GUCY1A2: variants seen among roughly 807,000 people sequenced by gnomAD.
The protein encoded by GUCY1A2 is guanylate cyclase 1 soluble subunit alpha 2, also known as guanylate cyclase soluble subunit alpha-2.
In GUCY1A2, 27 loss-of-function variants were observed where a neutral mutation model predicts 63.5. The ratio of observed to expected loss-of-function variants is 0.43; its 90% confidence interval spans 0.31 to 0.59. GUCY1A2 has a LOEUF of 0.59. Ranked by LOEUF, GUCY1A2 falls within the 20% of genes least tolerant of loss-of-function variation. The pLI is 0.11. For missense variants in GUCY1A2, 768 were observed against 913.3 expected, an observed-to-expected ratio of 0.84 and a Z score of 2.05; for synonymous variants, 364 against 343.5, an observed-to-expected ratio of 1.06 and a Z score of -0.66.
intron 1 of GUCY1A2, among the ~76,000 whole-genome samples, chr11:106,991,032 C>T (rs1341536467): frequency 6.6e-6 from 1 of 152,154 alleles, no homozygotes; most frequent in Non-Finnish European, 1.5e-5. Flanking sequence ...CTCTGTCGCC[C>T]AAGCTGGAGT....
chr11:106,921,992 G>C (rs1236482260), intron 4 of GUCY1A2, among the ~76,000 whole-genome samples: 1 of 152,100 alleles, frequency 6.6e-6, no homozygotes, highest in Admixed American at 6.5e-5. Context: ...TTAACATAAA[G>C]TGCACATCAG....
chr11:106,737,830 G>A (rs901122262), intron 6 of GUCY1A2, among the ~76,000 whole-genome samples: 1 of 152,108 alleles, frequency 6.6e-6, no homozygotes, highest in East Asian at 1.9e-4. Context: ...CCAAGACTTT[G>A]CTATTGTGAA....
intron 6 of GUCY1A2, among the ~76,000 whole-genome samples, chr11:106,775,630 C>T (rs2135401833): frequency 6.6e-6 from 1 of 151,774 alleles, no homozygotes; most frequent in South Asian, 2.1e-4. Flanking sequence ...GTTCAGTGTC[C>T]CCAATCTGCT....
intron 4 of GUCY1A2, among the ~76,000 whole-genome samples, chr11:106,884,467 G>T (rs936747592): frequency 5.3e-5 from 8 of 152,086 alleles, no homozygotes; most frequent in African/African-American, 1.9e-4. Flanking sequence ...GAGAGAGCAT[G>T]GGAAGAATGC....
chr11:106,796,296 G>A lies in GUCY1A2; in HGVS notation c.1692+13697C>T, dbSNP rs1416618870. Among the ~76,000 whole-genome samples, 6 of 152,206 alleles carry A rather than the reference G, an allele frequency of 3.9e-5. No individual in the cohort carries two copies. The South Asian group carries it at 1.0e-3, about 26-fold the overall frequency. ...TCTGTGTCTTTTATTGGAGCATTTA[G>A]CCCATTTACATTTAAGGTTAATATT... On this transcript the variant is annotated intron_variant, in intron 5 of 7. Transcript: ENST00000526355.
chr11:106,970,320 T>G (rs946532704), intron 3 of GUCY1A2, among the ~76,000 whole-genome samples: 1 of 152,200 alleles, frequency 6.6e-6, no homozygotes, highest in Admixed American at 6.5e-5. Context: ...TTATTGTTAC[T>G]AAGCAAAAGA....
At chr11:106,927,329 C>T (rs1215995521) in intron 4 of GUCY1A2, among the ~76,000 whole-genome samples, 6 of 150,960 alleles carry the variant, frequency 4.0e-5, no homozygotes, top group South Asian at 2.1e-4. Context: ...GCAGAGATCG[C>T]GCTACTGCAC....
At chr11:106,827,423 T>A (rs541901877) in intron 4 of GUCY1A2, 4 of 1,470,828 alleles carry the variant, frequency 2.7e-6, no homozygotes, top group Non-Finnish European at 3.8e-6. Flanking sequence ...TCAAGTGCGA[T>A]ACCACCGTTC....
chr11:106,981,176 C>A (rs1020885331), intron 2 of GUCY1A2, among the ~76,000 whole-genome samples: 2 of 152,108 alleles, frequency 1.3e-5, no homozygotes, highest in Non-Finnish European at 2.9e-5. Context: ...AAATAAGCCA[C>A]AAAATCTGAT....
At chr11:107,011,417 A>G (rs1221879059) in intron 1 of GUCY1A2, among the ~76,000 whole-genome samples, 1 of 151,476 alleles carries the variant, frequency 6.6e-6, no homozygotes. Context: ...GGAAAAATAT[A>G]TAATAGCACT....
chr11:106,913,986 C>CAAAAAAAAAAAAA (rs11325847), intron 4 of GUCY1A2, among the ~76,000 whole-genome samples: 8 of 71,142 alleles, frequency 1.1e-4, no homozygotes, highest in Admixed American at 1.6e-4. Context: ...AATGAAAAAG[C>CAAAAAAAAAAAAA]AAAAAAAAAA....
At chr11:106,788,746 G>C (rs987376016) in intron 5 of GUCY1A2, among the ~76,000 whole-genome samples, 4 of 152,116 alleles carry the variant, frequency 2.6e-5, no homozygotes, top group African/African-American at 9.7e-5. Context: ...TCTCTGTTCT[G>C]TTCCACTGGT....
Position 106,725,131 on chromosome 11 carries a change from ATCT to A in GUCY1A2, c.1837-16468_1837-16466del, listed in dbSNP as rs1459766911. Among the ~76,000 whole-genome samples, 5 of 128,824 alleles carry A rather than the reference ATCT, an allele frequency of 3.9e-5. No individual in the cohort carries two copies. The East Asian group carries it at 1.5e-3, about 38-fold the overall frequency. The allele number at this position is 128,824 out of a possible 152,430, so 84.5% of individuals were successfully genotyped here. ...TCAGATATTTATGATATTTCTATGT[ATCT>A]TCTTATTGACATAAATTCTTTTTTT... On this transcript the variant is annotated intron_variant, in intron 6 of 7. Coordinates refer to ENST00000526355, the MANE Select transcript of GUCY1A2 (RefSeq NM_000855.3).
intron 4 of GUCY1A2, chr11:106,824,139 G>C: frequency 6.8e-7 from 1 of 1,466,716 alleles, no homozygotes; most frequent in South Asian, 1.3e-5. Flanking sequence ...TGAGGCACAT[G>C]CTATTACTGT....
intron 7 of GUCY1A2, among the ~76,000 whole-genome samples, chr11:106,703,476 A>G (rs543144507): frequency 6.6e-6 from 1 of 152,238 alleles, no homozygotes; most frequent in East Asian, 1.9e-4. Flanking sequence ...AGTAAAAGAT[A>G]TGTGATGATA....
chr11:106,999,799 C>T (rs1861589487), intron 1 of GUCY1A2, among the ~76,000 whole-genome samples: 3 of 152,042 alleles, frequency 2.0e-5, no homozygotes, highest in African/African-American at 7.2e-5. Context: ...TGATATATTC[C>T]ACCTGTATAA....
chr11:106,893,297 T>C (rs1003567995), intron 4 of GUCY1A2, among the ~76,000 whole-genome samples: 2 of 152,102 alleles, frequency 1.3e-5, no homozygotes, highest in African/African-American at 4.8e-5. Context: ...TTGTAACCAC[T>C]GAATCAAAAA....
chr11:106,869,677 C>A (rs1859646371), intron 4 of GUCY1A2, among the ~76,000 whole-genome samples: 1 of 152,112 alleles, frequency 6.6e-6, no homozygotes, highest in Admixed American at 6.6e-5. Flanking sequence ...ACTAGTTCAA[C>A]CATTGTGGAA....
rs574554224 is a variant in GUCY1A2 at position 106,934,860 on chromosome 11, T to G, written c.1206+4600A>C. On this transcript the variant is annotated intron_variant, in intron 4 of 7. Coordinates refer to ENST00000526355, the MANE Select transcript of GUCY1A2 (RefSeq NM_000855.3). ...TACTAAAAAAAAATGTCAAAAGAACTCATGTTATTTATTGTTTCTCAAAAT... is the reference window on the plus strand; with the variant it reads ...TACTAAAAAAAAATGTCAAAAGAACGCATGTTATTTATTGTTTCTCAAAAT... 1.6e-4 allele frequency among the ~76,000 whole-genome samples: 24 copies of G among 152,320 alleles called. No homozygotes were observed. In the South Asian group the frequency reaches 4.8e-3, roughly 30 times the overall value.
Sources: allele counts gnomAD v4.1 joint callset (sites outside exome capture counted in the v4.1 genomes callset), GRCh38; gene constraint gnomAD v4.1.1; transcripts MANE v1.5; gene names NCBI Gene and HGNC (gene_info 2026-07-23, HGNC 2026-07-21).